CYSTM1: variants seen among roughly 807,000 people sequenced by gnomAD.
The protein encoded by CYSTM1 is cysteine-rich transmembrane module-containing protein 1.
CYSTM1 carries 4 observed loss-of-function variants against 13.1 expected under a neutral mutation model. That is an observed-to-expected ratio of 0.31 (90% confidence interval 0.15 to 0.70). CYSTM1 has a LOEUF of 0.70. Ranked by LOEUF, CYSTM1 falls within the 30% of genes least tolerant of loss-of-function variation. The probability of loss-of-function intolerance (pLI) is 0.72; values close to 1 mark genes in which losing one functional copy is unlikely to be tolerated. For synonymous variants in CYSTM1, 36 were observed against 42.7 expected (o/e 0.84, Z 0.62); for missense variants, 96 against 121.6 (o/e 0.79, Z 0.99).
chr5:140,195,653 A>G (rs575922619), intron 2 of CYSTM1, among the ~76,000 whole-genome samples: 11 of 151,120 alleles, frequency 7.3e-5, no homozygotes, highest in African/African-American at 2.7e-4. Context: ...GGATGGTCTC[A>G]ATCTCCTGAC....
At chr5:140,208,847 G>A (rs1269845354) in intron 2 of CYSTM1, among the ~76,000 whole-genome samples, 1 of 152,118 alleles carries the variant, frequency 6.6e-6, no homozygotes, top group Non-Finnish European at 1.5e-5. Flanking sequence ...AGACCATCCT[G>A]GCTAACATGG....
At chr5:140,236,774 CCA>C (rs1260320548) in intron 2 of CYSTM1, among the ~76,000 whole-genome samples, 3 of 152,196 alleles carry the variant, frequency 2.0e-5, no homozygotes, top group Non-Finnish European at 4.4e-5. Flanking sequence ...TGCCCAACTC[CCA>C]AGTTGGTGGC....
At chr5:140,216,031 A>G (rs1454676869) in intron 2 of CYSTM1, among the ~76,000 whole-genome samples, 3 of 152,074 alleles carry the variant, frequency 2.0e-5, no homozygotes, top group Non-Finnish European at 4.4e-5. Flanking sequence ...AGTCCCAGAT[A>G]TTTGGGAGAC....
At chr5:140,212,066 T>G (rs924490374) in intron 2 of CYSTM1, among the ~76,000 whole-genome samples, 1 of 152,200 alleles carries the variant, frequency 6.6e-6, no homozygotes, top group African/African-American at 2.4e-5. Context: ...TGAATCCATA[T>G]AGCAGTCCTA....
intron 1 of CYSTM1, among the ~76,000 whole-genome samples, chr5:140,177,794 A>C (rs1763909154): frequency 6.6e-6 from 1 of 152,234 alleles, no homozygotes; most frequent in South Asian, 2.1e-4. Flanking sequence ...GCTGGAAATC[A>C]GATGTCTTGG....
At chr5:140,191,920 A>G (rs915859772) in intron 1 of CYSTM1, among the ~76,000 whole-genome samples, 1 of 152,208 alleles carries the variant, frequency 6.6e-6, no homozygotes, top group Non-Finnish European at 1.5e-5. Flanking sequence ...GCTTTTGTCC[A>G]AATTCATATG....
chr5:140,242,506 A>G (rs1352696090), intron 2 of CYSTM1, among the ~76,000 whole-genome samples: 1 of 152,214 alleles, frequency 6.6e-6, no homozygotes, highest in Non-Finnish European at 1.5e-5. Flanking sequence ...TGAGATTTTC[A>G]GTGGCCACAG....
At chr5:140,223,975 C>T (rs1253612019) in intron 2 of CYSTM1, among the ~76,000 whole-genome samples, 1 of 152,146 alleles carries the variant, frequency 6.6e-6, no homozygotes, top group East Asian at 1.9e-4. Context: ...CTGACACATC[C>T]AGTTTCTCAG....
intron 2 of CYSTM1, among the ~76,000 whole-genome samples, chr5:140,206,837 A>ACTGCCC (rs1462828412): frequency 2.0e-5 from 3 of 152,086 alleles, no homozygotes; most frequent in African/African-American, 7.2e-5. Context: ...CTCACCAAAC[A>ACTGCCC]CTGCCCCGGT....
intron 1 of CYSTM1, among the ~76,000 whole-genome samples, chr5:140,185,263 G>A (rs1764002444): frequency 6.6e-6 from 1 of 152,228 alleles, no homozygotes; most frequent in South Asian, 2.1e-4. Context: ...TGATGCCCTT[G>A]TTCAGCGAAA....
At chr5:140,204,774 C>CGTGTGTGT (rs10693083) in intron 2 of CYSTM1, among the ~76,000 whole-genome samples, 1 of 151,420 alleles carries the variant, frequency 6.6e-6, no homozygotes, top group Non-Finnish European at 1.5e-5. Flanking sequence ...GTGCTGAGCG[C>CGTGTGTGT]GTGTGTGTGT....
rs1025487434 is a variant in CYSTM1, at chr5:140,243,249, C to G, written c.188-56C>G. 36 of 1,489,738 alleles carry G rather than the reference C, an allele frequency of 2.4e-5. No individual in the cohort carries two copies. The Middle Eastern group carries it at 6.9e-4, about 28-fold the overall frequency. The allele number at this position is 1,489,738 out of a possible 1,614,324, so 92.3% of individuals were successfully genotyped here. A position where few individuals can be genotyped will look rare whatever the true frequency, so the allele number is the denominator to read the frequency against. On this transcript the variant is annotated intron_variant, in intron 2 of 2. Coordinates refer to ENST00000261811, the MANE Select transcript of CYSTM1 (RefSeq NM_032412.4). ...CTGTGGTCCTGGGAGGCTAACTTTG[C>G]AGGGCCTGGGGTTTGCACCAGTCCA...
At chr5:140,208,688 A>C (rs1289888384) in intron 2 of CYSTM1, among the ~76,000 whole-genome samples, 1 of 152,208 alleles carries the variant, frequency 6.6e-6, no homozygotes, top group Non-Finnish European at 1.5e-5. Context: ...TACCCCATAA[A>C]TATATACACC....
At chr5:140,234,313 C>A (rs1417389565) in intron 2 of CYSTM1, among the ~76,000 whole-genome samples, 1 of 152,164 alleles carries the variant, frequency 6.6e-6, no homozygotes, top group African/African-American at 2.4e-5. Flanking sequence ...ATCTATGTGT[C>A]TGTTTGCCAA....
intron 1 of CYSTM1, among the ~76,000 whole-genome samples, chr5:140,185,714 G>T (rs558270740): frequency 3.9e-5 from 6 of 152,290 alleles, no homozygotes; most frequent in African/African-American, 1.4e-4. Flanking sequence ...CCCTGCTATT[G>T]CTATCCCCCT....
intron 1 of CYSTM1, among the ~76,000 whole-genome samples, chr5:140,182,167 T>C (rs985898068): frequency 6.6e-6 from 1 of 152,226 alleles, no homozygotes; most frequent in African/African-American, 2.4e-5. Flanking sequence ...AAGGTATAAA[T>C]TATTGAAGTT....
intron 2 of CYSTM1, among the ~76,000 whole-genome samples, chr5:140,233,462 C>T (rs560358867): frequency 2.0e-5 from 3 of 152,270 alleles, no homozygotes; most frequent in East Asian, 3.9e-4. Flanking sequence ...TAAACATTGA[C>T]GTTCAGGTTT....
At chr5:140,181,274 T>G (rs925259285) in intron 1 of CYSTM1, among the ~76,000 whole-genome samples, 2 of 152,208 alleles carry the variant, frequency 1.3e-5, no homozygotes, top group African/African-American at 2.4e-5. Flanking sequence ...GCTTTCCTGC[T>G]GCCACTAGCT....
At chr5:140,228,800 T>TGG (rs1561816813) in intron 2 of CYSTM1, 2 of 399,576 alleles carry the variant, frequency 5.0e-6, no homozygotes, top group Non-Finnish European at 8.8e-6. Context: ...GCTGGGCTGC[T>TGG]CTCTGCTGCT....
Sources: gnomAD v4.1 joint callset for allele counts (sites outside exome capture counted in the v4.1 genomes callset) on GRCh38, gnomAD v4.1.1 for gene constraint, MANE v1.5 for transcripts, NCBI Gene and HGNC (gene_info 2026-07-23, HGNC 2026-07-21) for gene names.